TOR1AIP2: variants seen among roughly 807,000 people sequenced by gnomAD.
TOR1AIP2 encodes torsin 1A interacting protein 2.
A neutral mutation model predicts 32.6 loss-of-function variants in TOR1AIP2; 20 were observed. The observed-to-expected ratio is 0.61, with a 90% CI of 0.43 to 0.89. The LOEUF (loss-of-function observed/expected upper bound fraction) is 0.89, where lower values mean the gene tolerates loss of function less well. Among genes scored for constraint, TOR1AIP2 ranks in the 40% least tolerant of loss-of-function variants. TOR1AIP2 has a pLI of 0.00. For synonymous variants in TOR1AIP2, 214 were observed against 210.8 expected, an observed-to-expected ratio of 1.02 and a Z score of -0.13; for missense variants, 456 against 553.8, an observed-to-expected ratio of 0.82 and a Z score of 1.77.
intron 3 of TOR1AIP2, chr1:179,861,701 A>G (rs1234757643): frequency 1.0e-6 from 1 of 985,338 alleles, no homozygotes; most frequent in Non-Finnish European, 1.2e-6. Flanking sequence ...AGCCAGTATT[A>G]CCAAATAAAT....
At position 179,840,671 on chromosome 1, in the gene TOR1AIP2, A is replaced by C. The variant is rs777267293; in HGVS notation, c.*5400T>G. 7 of 149,072 alleles carry C rather than the reference A, an allele frequency of 4.7e-5. No individual in the cohort carries two copies. Among genetic ancestry groups the C allele is most frequent in the Non-Finnish European group, 7.4e-5 (5 of 67,798 alleles). The allele number at this position is 149,072 out of a possible 1,614,324, so 9.2% of individuals were successfully genotyped here. On this transcript the variant is annotated 3_prime_UTR_variant, in exon 7 of 7. Transcript: ENST00000609928. ...AGTTTACCAAACATCGCATGTTCTC[A>C]CTCATAGGTGGGAATTGAACAAAGA...
chr1:179,858,161 CAAAA>C (rs993072938), intron 3 of TOR1AIP2, among the ~76,000 whole-genome samples: 1 of 151,246 alleles, frequency 6.6e-6, no homozygotes, highest in Admixed American at 6.6e-5. Flanking sequence ...AAAAAACAAA[CAAAA>C]TAAATATATG....
At chr1:179,863,516 A>C (rs541676244) in intron 3 of TOR1AIP2, 15 of 985,102 alleles carry the variant, frequency 1.5e-5, no homozygotes, top group East Asian at 1.1e-4. Context: ...AGAAAAAAAA[A>C]CCTAACGATA....
rs1188888203 is a variant in TOR1AIP2 at position 179,861,244 on chromosome 1, A to C, written c.-147+4192T>G. 9.1e-6 allele frequency: 9 copies of C among 985,246 alleles called. No homozygotes were observed. In the African/African-American group the frequency reaches 1.6e-4, roughly 17 times the overall value. The allele number at this position is 985,246 out of a possible 1,614,324, so 61.0% of individuals were successfully genotyped here. ...CTCCAGATCATTTGTCATTACAATT[A>C]ATTTTACCAACACAGCATTTATATT... On this transcript the variant is annotated intron_variant, in intron 3 of 6. Transcript: ENST00000609928.
Position 179,858,979 on chromosome 1 carries a change from G to A in TOR1AIP2, c.-146-6168C>T, listed in dbSNP as rs531367920. The stretch of plus-strand genomic sequence containing the variant: ...AGCACAAAAGAATCAGCCATTCCAG[G>A]ATGGTAGTTTAGATATAAATGCCAT... On this transcript the variant is annotated intron_variant, in intron 3 of 6. Transcript: ENST00000609928. The A allele has an allele frequency of 5.8e-5, 55 of 954,246 alleles. No individual in the cohort carries two copies. In the African/African-American group the frequency reaches 9.4e-4, roughly 16 times the overall value. 59.1% of individuals were successfully genotyped at this position (954,246 alleles called of 1,614,324 possible). A position where few individuals can be genotyped will look rare whatever the true frequency, so the allele number is the denominator to read the frequency against.
At chr1:179,874,469 A>G (rs766779027) in intron 2 of TOR1AIP2, 1 of 152,252 alleles carries the variant, frequency 6.6e-6, no homozygotes, top group Non-Finnish European at 1.5e-5. Flanking sequence ...GTACTTCAAA[A>G]TATACTGTAG....
intron 2 of TOR1AIP2, among the ~76,000 whole-genome samples, chr1:179,876,585 G>T (rs1454648255): frequency 6.6e-6 from 1 of 152,036 alleles, no homozygotes; most frequent in African/African-American, 2.4e-5. Flanking sequence ...ACTCTACCAT[G>T]AAGTTCCTTT....
intron 2 of TOR1AIP2, among the ~76,000 whole-genome samples, chr1:179,876,988 A>ATT (rs11359156): frequency 7.1e-4 from 104 of 146,914 alleles, no homozygotes; most frequent in African/African-American, 2.5e-3. Flanking sequence ...TTTAGCACCA[A>ATT]TTTTTTTTTT....
rs961841390 is a variant in TOR1AIP2, at chr1:179,844,519, C to G, written c.*1552G>C. On this transcript the variant is annotated 3_prime_UTR_variant, in exon 7 of 7. Coordinates refer to ENST00000609928, the MANE Select transcript of TOR1AIP2 (RefSeq NM_001199260.2). ...TAATAGTCTATATAATGGAACAGACCCTTTGTTAGGTCGAGATCATTTTAC... is the reference window on the plus strand; with the variant it reads ...TAATAGTCTATATAATGGAACAGACGCTTTGTTAGGTCGAGATCATTTTAC... 1 of 152,092 alleles carries G rather than the reference C, an allele frequency of 6.6e-6. No homozygotes were observed. The highest frequency in any genetic ancestry group is 1.5e-5 in the Non-Finnish European group (1 of 68,012). 9.4% of individuals were successfully genotyped at this position (152,092 alleles called of 1,614,324 possible).
In TOR1AIP2 at chr1:179,865,496, T is replaced by A. The variant is rs1696731585; in HGVS notation, c.-207A>T. The A allele has an allele frequency of 3.6e-6, 1 of 276,448 alleles. No homozygotes were observed. The highest frequency in any genetic ancestry group is 2.2e-5 in the African/African-American group (1 of 45,586). 17.1% of individuals were successfully genotyped at this position (276,448 alleles called of 1,614,324 possible). A position where few individuals can be genotyped will look rare whatever the true frequency, so the allele number is the denominator to read the frequency against. ...CCAGCTTCTCAAGAAGAGATAGGGC[T>A]CTAGTCTAAATTAGTTATATTTTTC... On this transcript the variant is annotated 5_prime_UTR_variant, in exon 3 of 7. Transcript: ENST00000609928.
At chr1:179,863,580 G>GC (rs1237534539) in intron 3 of TOR1AIP2, 1 of 983,220 alleles carries the variant, frequency 1.0e-6, no homozygotes, top group Admixed American at 6.3e-5. Context: ...TGTAATCCCA[G>GC]CACCTTGGGA....
chr1:179,860,809 T>C, intron 3 of TOR1AIP2: 6 of 985,416 alleles, frequency 6.1e-6, no homozygotes, highest in Non-Finnish European at 7.2e-6. Context: ...CAAAATTCCA[T>C]GGAGACTCAG....
intron 2 of TOR1AIP2, among the ~76,000 whole-genome samples, chr1:179,870,458 A>C (rs1696972985): frequency 6.6e-6 from 1 of 152,158 alleles, no homozygotes; most frequent in South Asian, 2.1e-4. Context: ...AAGATGGTAC[A>C]TCCTTTTAAA....
intron 3 of TOR1AIP2, chr1:179,863,151 G>A (rs532305249): frequency 8.9e-5 from 59 of 663,918 alleles, no homozygotes; most frequent in Middle Eastern, 7.8e-4. Flanking sequence ...GCTTGAACCC[G>A]GAAGGCAGAG....
chr1:179,866,647 C>T (rs1455376665), intron 2 of TOR1AIP2, among the ~76,000 whole-genome samples: 1 of 152,136 alleles, frequency 6.6e-6, no homozygotes, highest in Non-Finnish European at 1.5e-5. Flanking sequence ...TCAGGTGATC[C>T]GCCCACCTTG....
At chr1:179,847,387 C>G in intron 6 of TOR1AIP2, 148 bp downstream of exon 6, 1 of 672,768 alleles carries the variant, frequency 1.5e-6, no homozygotes, top group Non-Finnish European at 2.7e-6. Flanking sequence ...CTCTAGTGTA[C>G]TATTTTACTA....
Position 179,852,699 on chromosome 1 carries a change from A to C in TOR1AIP2, c.-34T>G, listed in dbSNP as rs766422635. ...TCTATCTCTTCAGAGTTGGGAGGAT[A>C]CTTTTTTTAGTACTTGGTTTTCCTT... On this transcript the variant is annotated 5_prime_UTR_variant, in exon 4 of 7. Transcript: ENST00000609928. 1.7e-5 allele frequency: 27 copies of C among 1,613,624 alleles called. No homozygotes were observed. The South Asian group carries it at 2.6e-4, about 16-fold the overall frequency.
At position 179,842,256 on chromosome 1, in the gene TOR1AIP2, T is replaced by C. The variant is rs1405265668; in HGVS notation, c.*3815A>G. On this transcript the variant is annotated 3_prime_UTR_variant, in exon 7 of 7. Transcript: ENST00000609928. ...AAAACCATCTCAGCGGCTAGCACTATTTAGTGGAGTCACTAGCTAAGAGAA... is the reference window on the plus strand; with the variant it reads ...AAAACCATCTCAGCGGCTAGCACTACTTAGTGGAGTCACTAGCTAAGAGAA... The C allele has an allele frequency of 2.0e-5, 3 of 151,764 alleles. No individual in the cohort carries two copies. The East Asian group carries it at 5.8e-4, about 29-fold the overall frequency. The allele number at this position is 151,764 out of a possible 1,614,324, so 9.4% of individuals were successfully genotyped here. A position where few individuals can be genotyped will look rare whatever the true frequency, so the allele number is the denominator to read the frequency against.
At chr1:179,864,934 G>A (rs778330115) in intron 3 of TOR1AIP2, 1 of 1,614,010 alleles carries the variant, frequency 6.2e-7, no homozygotes, top group South Asian at 1.1e-5. Flanking sequence ...CTTTCTCAAA[G>A]GTCCATCTGG....
Sources: gnomAD v4.1 joint callset for allele counts (sites outside exome capture counted in the v4.1 genomes callset) on GRCh38, gnomAD v4.1.1 for gene constraint, MANE v1.5 for transcripts, NCBI Gene and HGNC (gene_info 2026-07-23, HGNC 2026-07-21) for gene names.